Variants in GPC5 observed in about 807,000 individuals in gnomAD.
The protein encoded by GPC5 is glypican 5.
GPC5 carries 47 observed loss-of-function variants against 53.9 expected under a neutral mutation model. That is an observed-to-expected ratio of 0.87 (90% CI 0.69 to 1.11). The LOEUF is 1.11. Among genes scored for constraint, GPC5 ranks in the 50% most tolerant of loss-of-function variants. GPC5 has a pLI of 0.00. For synonymous variants in GPC5, 286 were observed against 263.3 expected (o/e 1.09, Z -0.84); for missense variants, 748 against 713.1 (o/e 1.05, Z -0.56).
intron 7 of GPC5, among the ~76,000 whole-genome samples, chr13:92,389,165 C>A (rs1015467913): frequency 1.3e-5 from 2 of 152,182 alleles, no homozygotes; most frequent in Non-Finnish European, 1.5e-5. Flanking sequence ...TACATGACCA[C>A]ATTTATACTG....
At chr13:92,427,663 T>C (rs1213572848) in intron 7 of GPC5, among the ~76,000 whole-genome samples, 2 of 152,050 alleles carry the variant, frequency 1.3e-5, no homozygotes, top group Admixed American at 6.6e-5. Flanking sequence ...ACATTAAGAA[T>C]ATTTATTTTT....
chr13:92,305,151 AAC>A (rs1380226512), intron 7 of GPC5, among the ~76,000 whole-genome samples: 5 of 152,204 alleles, frequency 3.3e-5, no homozygotes, highest in Non-Finnish European at 7.4e-5. Context: ...TGTCATCAGA[AAC>A]AGTCATCAAA....
intron 7 of GPC5, among the ~76,000 whole-genome samples, chr13:92,338,519 T>A (rs1031708607): frequency 6.6e-6 from 1 of 152,078 alleles, no homozygotes; most frequent in Non-Finnish European, 1.5e-5. Context: ...CTTCAGTAGG[T>A]AAACACATAA....
chr13:92,477,920 G>T (rs1879214836), intron 7 of GPC5, among the ~76,000 whole-genome samples: 1 of 152,176 alleles, frequency 6.6e-6, no homozygotes, highest in East Asian at 1.9e-4. Context: ...AATGTACCTG[G>T]CACTTTTGAT....
At chr13:92,866,215 A>C (rs1015523350) in intron 7 of GPC5, 67 bp from the exon 8 acceptor site, 1 of 1,380,160 alleles carries the variant, frequency 7.2e-7, no homozygotes, top group African/African-American at 1.5e-5. Flanking sequence ...TGAGTTTAAG[A>C]GTTGTTCTAG....
At chr13:92,841,558 A>T (rs1010970930) in intron 7 of GPC5, among the ~76,000 whole-genome samples, 3 of 152,048 alleles carry the variant, frequency 2.0e-5, no homozygotes, top group Admixed American at 2.0e-4. Flanking sequence ...TTTCATCCGC[A>T]TATACTTTTA....
chr13:92,037,936 C>T (rs8002372), intron 6 of GPC5, among the ~76,000 whole-genome samples: 149,799 of 152,206 alleles, frequency 0.98, 73,756 homozygotes, highest in Middle Eastern at 1. Flanking sequence ...TTCCTTATAT[C>T]TAAAAATGAT....
At chr13:91,809,915 C>T (rs1051063199) in intron 5 of GPC5, among the ~76,000 whole-genome samples, 3 of 151,902 alleles carry the variant, frequency 2.0e-5, no homozygotes, top group African/African-American at 7.3e-5. Flanking sequence ...GATGCATATG[C>T]TAATAAGCCT....
At chr13:91,656,011 C>T (rs752582056) in intron 2 of GPC5, among the ~76,000 whole-genome samples, 11 of 152,114 alleles carry the variant, frequency 7.2e-5, no homozygotes, top group African/African-American at 1.4e-4. Context: ...TTTTAGTGAT[C>T]GTTGTGTCAG....
intron 7 of GPC5, among the ~76,000 whole-genome samples, chr13:92,423,256 G>A (rs1025948582): frequency 1.3e-5 from 2 of 152,108 alleles, no homozygotes; most frequent in East Asian, 1.9e-4. Flanking sequence ...TTTGTTGGGG[G>A]CATAAACATT....
At chr13:91,455,201 T>G (rs1881456526) in intron 2 of GPC5, among the ~76,000 whole-genome samples, 2 of 151,940 alleles carry the variant, frequency 1.3e-5, no homozygotes, top group African/African-American at 4.8e-5. Flanking sequence ...GAGTGCTTGT[T>G]TCTCCAGGGT....
At chr13:91,853,846 G>A (rs1474961067) in intron 5 of GPC5, among the ~76,000 whole-genome samples, 1 of 151,908 alleles carries the variant, frequency 6.6e-6, no homozygotes, top group East Asian at 1.9e-4. Context: ...AGAAAATGTG[G>A]TGTAGTTGGC....
chr13:92,504,558 A>T (rs1880299482), intron 7 of GPC5, among the ~76,000 whole-genome samples: 1 of 152,018 alleles, frequency 6.6e-6, no homozygotes, highest in African/African-American at 2.4e-5. Flanking sequence ...GCGAATAAAG[A>T]CAAAATGGGA....
At chr13:91,689,189 ATATATAT>A (rs2035692154) in intron 2 of GPC5, among the ~76,000 whole-genome samples, 1 of 48,886 alleles carries the variant, frequency 2.0e-5, no homozygotes, top group African/African-American at 1.2e-4. Context: ...ATATAAATAT[ATATATAT>A]ATATATATAT....
chr13:92,633,156 G>A (rs189580461), intron 7 of GPC5, among the ~76,000 whole-genome samples: 1 of 152,218 alleles, frequency 6.6e-6, no homozygotes, highest in Admixed American at 6.5e-5. Context: ...GCCTCCCAAA[G>A]TGCTGGGATT....
At chr13:92,480,055 G>A (rs1296801917) in intron 7 of GPC5, among the ~76,000 whole-genome samples, 1 of 152,162 alleles carries the variant, frequency 6.6e-6, no homozygotes, top group Non-Finnish European at 1.5e-5. Flanking sequence ...AGGAGGTGGA[G>A]CTGGGAGGAT....
At chr13:91,640,159 G>T (rs140917131) in intron 2 of GPC5, among the ~76,000 whole-genome samples, 21 of 152,212 alleles carry the variant, frequency 1.4e-4, no homozygotes, top group Non-Finnish European at 2.8e-4. Flanking sequence ...AATACAGAGA[G>T]ATTCCGCATA....
intron 7 of GPC5, among the ~76,000 whole-genome samples, chr13:92,157,028 CTCTGTGCATGAGTATGTATTCCATT>C (rs1232188613): frequency 6.6e-6 from 1 of 152,114 alleles, no homozygotes; most frequent in Non-Finnish European, 1.5e-5. Flanking sequence ...AAGCAAGCCT[CTCTGTGCATGAGTATGTATTCCATT>C]AGGTTGCAAA....
At chr13:91,926,901 A>G (rs561206383) in intron 6 of GPC5, among the ~76,000 whole-genome samples, 2 of 152,328 alleles carry the variant, frequency 1.3e-5, no homozygotes, top group Admixed American at 6.5e-5. Context: ...AAATTGCTAC[A>G]TAGTTTCTAC....
Sources: gnomAD v4.1 joint callset for allele counts (sites outside exome capture counted in the v4.1 genomes callset) on GRCh38, gnomAD v4.1.1 for gene constraint, MANE v1.5 for transcripts, NCBI Gene and HGNC (gene_info 2026-07-23, HGNC 2026-07-21) for gene names.